COL4A4: variants seen among roughly 807,000 people sequenced by gnomAD.
The protein encoded by COL4A4 is collagen alpha-4(IV) chain.
In COL4A4, 105 loss-of-function variants were observed where a neutral mutation model predicts 192.9. The ratio of observed to expected loss-of-function variants is 0.54; its 90% CI spans 0.46 to 0.64. COL4A4 has a LOEUF of 0.64. Ranked by LOEUF, COL4A4 falls within the 30% of genes least tolerant of loss-of-function variation. COL4A4 has a pLI of 0.00. For synonymous variants in COL4A4, 762 were observed against 769.9 expected, an observed-to-expected ratio of 0.99 and a Z score of 0.17; for missense variants, 1,967 against 2,169.3, an observed-to-expected ratio of 0.91 and a Z score of 1.85.
At chr2:227,109,076 C>T in intron 10 of COL4A4, 148 bp downstream of exon 10, 1 of 910,026 alleles carries the variant, frequency 1.1e-6, no homozygotes, top group Non-Finnish European at 1.9e-6. Flanking sequence ...AGATGGAGTC[C>T]CACTGATAAT....
chr2:227,008,847 G>A (rs755206894), intron 46 of COL4A4, among the ~76,000 whole-genome samples: 18 of 152,192 alleles, frequency 1.2e-4, no homozygotes, highest in Admixed American at 2.0e-4. Context: ...AGGAGAGGGT[G>A]TCTGCACTGT....
chr2:227,058,272 ATGTGTGTGTGTGTGTC>A (rs1976006183), intron 28 of COL4A4, among the ~76,000 whole-genome samples: 1 of 151,382 alleles, frequency 6.6e-6, no homozygotes, highest in South Asian at 2.1e-4. Context: ...GTGTGTGTGT[ATGTGTGTGTGTGTGTC>A]TGTCTTTGTT....
intron 37 of COL4A4, among the ~76,000 whole-genome samples, chr2:227,039,485 A>G (rs749744927): frequency 3.3e-5 from 5 of 152,228 alleles, no homozygotes; most frequent in Non-Finnish European, 7.3e-5. Flanking sequence ...TTAGTTTTGT[A>G]ATAGCATGCC....
intron 7 of COL4A4, among the ~76,000 whole-genome samples, chr2:227,118,408 C>A (rs2061601198): frequency 1.3e-5 from 2 of 152,140 alleles, no homozygotes; most frequent in African/African-American, 2.4e-5. Context: ...TCCTTAAAAC[C>A]ATCCAGTGCC....
chr2:227,157,930 C>A (rs1461186006), intron 1 of COL4A4, among the ~76,000 whole-genome samples: 1 of 151,932 alleles, frequency 6.6e-6, no homozygotes, highest in Non-Finnish European at 1.5e-5. Context: ...TATTCAGATA[C>A]CAAAACTGAC....
At position 227,008,107 on chromosome 2, in the gene COL4A4, G is replaced by T; in HGVS notation, c.4720C>A (p.Gln1574Lys). The change falls in exon 47 of 48, where the codon CAG becomes AAG. Residue 1574 changes from glutamine to lysine, a missense_variant. By Grantham distance (53) the Gln-to-Lys change is moderately conservative (BLOSUM62 1). Transcript: ENST00000396625. ...TCCTGGCTGTGCACCGCCACCGCCT[G>T]GGCCGGGGCCTCGCATACCGCACAG... ...SRCAVCEAPA[Q>K]AVAVHSQDQS... 6.2e-7 allele frequency: 1 copy of T among 1,614,098 alleles called. No individual in the cohort carries two copies. The highest frequency in any genetic ancestry group is 8.5e-7 in the Non-Finnish European group (1 of 1,180,004).
chr2:227,042,390 C>G (rs932158401), intron 36 of COL4A4, 135 bp from the exon 37 acceptor site: 4 of 643,858 alleles, frequency 6.2e-6, no homozygotes, highest in Non-Finnish European at 1.1e-5. Flanking sequence ...TACATCTTAA[C>G]TCTAGGGAGA....
At chr2:227,074,904 G>A (rs1305559857) in intron 25 of COL4A4, among the ~76,000 whole-genome samples, 1 of 152,108 alleles carries the variant, frequency 6.6e-6, no homozygotes, top group South Asian at 2.1e-4. Context: ...TTCAGAAAAG[G>A]GAGGATGCCC....
At chr2:227,047,343 C>G in intron 35 of COL4A4, 132 bp downstream of exon 35, 1 of 718,264 alleles carries the variant, frequency 1.4e-6, no homozygotes, top group Non-Finnish European at 2.5e-6. Flanking sequence ...ATATATAACC[C>G]GTTTTATCTA....
At position 227,047,731 on chromosome 2, in the gene COL4A4, C is replaced by CCACACACACACACACACA. The variant is rs71036155; in HGVS notation, c.3215-200_3215-183dup. 5.5e-3 allele frequency among the ~76,000 whole-genome samples: 811 copies of CCACACACACACACACACA among 146,334 alleles called. 8 individuals carry two copies. The highest frequency in any genetic ancestry group is 8.1e-3 in the South Asian group (36 of 4,462). The stretch of plus-strand genomic sequence containing the variant: ...ATAGATGCAAGATGCAATTTACATA[C>CCACACACACACACACACA]CACACACACACACACACACACACAC... On this transcript the variant is annotated intron_variant, in intron 34 of 47. Coordinates refer to ENST00000396625, the MANE Select transcript of COL4A4 (RefSeq NM_000092.5).
At chr2:226,977,323 G>A in the COL4A4 span, among the ~76,000 whole-genome samples, 2 of 152,100 alleles carry the variant, frequency 1.3e-5, no homozygotes, top group African/African-American at 4.8e-5. Flanking sequence ...AATATGAAGT[G>A]TATTTGCTTT....
intron 8 of COL4A4, among the ~76,000 whole-genome samples, 182 bp from the exon 9 acceptor site, chr2:227,111,895 C>G (rs2124858964): frequency 6.6e-6 from 1 of 152,296 alleles, no homozygotes; most frequent in Admixed American, 6.5e-5. Flanking sequence ...TCCTTAAGCT[C>G]TGAATTCTCC....
chr2:226,970,777 G>T, the COL4A4 span, among the ~76,000 whole-genome samples: 1 of 152,160 alleles, frequency 6.6e-6, no homozygotes, highest in East Asian at 1.9e-4. Flanking sequence ...AAGAAATTGA[G>T]GCTCAGGGAT....
chr2:227,127,186 A>G (rs772421547), intron 4 of COL4A4, among the ~76,000 whole-genome samples: 3 of 152,218 alleles, frequency 2.0e-5, no homozygotes, highest in Non-Finnish European at 4.4e-5. Context: ...TTTTTTGGCT[A>G]CGTGCGCATG....
chr2:227,142,097 CAAAAAAAAAAA>C (rs531488311), intron 3 of COL4A4, among the ~76,000 whole-genome samples: 1 of 118,934 alleles, frequency 8.4e-6, no homozygotes, highest in African/African-American at 3.1e-5. Flanking sequence ...TTAGTAGATT[CAAAAAAAAAAA>C]AAAAAAAAAA....
rs59938187 is a variant in COL4A4, at chr2:227,109,162, C to T, written c.657+62G>A. ...TGTCTGACCCAAAATGGCAATGTTG[C>T]TTCTTTATTTTCATGTAGAATCTGG... is the stretch of plus-strand genomic sequence containing the variant. On this transcript the variant is annotated intron_variant, in intron 10 of 47. Coordinates refer to ENST00000396625, the MANE Select transcript of COL4A4 (RefSeq NM_000092.5). The T allele has an allele frequency of 0.11, 160,486 of 1,498,856 alleles. 16,981 individuals carry two copies. Among genetic ancestry groups the T allele is most frequent in the African/African-American group, 0.5 (36,032 of 72,632 alleles). The allele number at this position is 1,498,856 out of a possible 1,614,324, so 92.8% of individuals were successfully genotyped here.
chr2:226,981,461 T>G, the COL4A4 span, among the ~76,000 whole-genome samples: 1 of 151,706 alleles, frequency 6.6e-6, no homozygotes, highest in African/African-American at 2.4e-5. Flanking sequence ...ATGTTAGTTT[T>G]CAGTCACAGG....
Position 227,094,132 on chromosome 2 carries a change from T to A in COL4A4, c.1362A>T (p.Gly454=). The change falls in exon 20 of 48, where the codon GGA becomes GGT. Residue 454 remains glycine (G), a synonymous_variant. Transcript: ENST00000396625. The part of the protein sequence containing the change: ...PGAPGLQGLP[G]SSVIYCSVGN... ...GAATAAGGAGTACTTTACCACTTGA[T>A]CCTGGGAGGCCCTGCAGGCCTGGTG... 1 of 1,613,802 alleles carries A rather than the reference T, an allele frequency of 6.2e-7. No homozygotes were observed. Among genetic ancestry groups the A allele is most frequent in the Non-Finnish European group, 8.5e-7 (1 of 1,179,844 alleles).
chr2:227,033,598 T>A, intron 37 of COL4A4, 117 bp from the exon 38 acceptor site: 4 of 811,054 alleles, frequency 4.9e-6, no homozygotes, highest in Non-Finnish European at 8.3e-6. Context: ...CAAACAGCTC[T>A]GAGCGTCTGG....
Sources: gnomAD v4.1 joint callset for allele counts (sites outside exome capture counted in the v4.1 genomes callset) on GRCh38, gnomAD v4.1.1 for gene constraint, MANE v1.5 for transcripts, NCBI Gene and HGNC (gene_info 2026-07-23, HGNC 2026-07-21) for gene names.